Variants in LRRFIP2 observed in about 807,000 individuals in gnomAD.
The protein encoded by LRRFIP2 is LRR binding FLII interacting protein 2.
In LRRFIP2, 109 loss-of-function variants were observed where a neutral mutation model predicts 125.9. The ratio of observed to expected loss-of-function variants is 0.87; its 90% confidence interval spans 0.74 to 1.01. The LOEUF is 1.01. LRRFIP2 is among the 50% of genes least tolerant of loss of function. LRRFIP2 has a pLI of 0.00. For synonymous variants in LRRFIP2, 291 were observed against 293.1 expected, an observed-to-expected ratio of 0.99 and a Z score of 0.07; for missense variants, 850 against 862.3, an observed-to-expected ratio of 0.99 and a Z score of 0.18.
intron 18 of LRRFIP2, among the ~76,000 whole-genome samples, 198 bp downstream of exon 18, chr3:37,091,269 C>CA (rs2093421359): frequency 6.6e-6 from 1 of 151,712 alleles, no homozygotes; most frequent in African/African-American, 2.4e-5. Flanking sequence ...GCGGAATATT[C>CA]AAAAACTGTA....
intron 2 of LRRFIP2, 43 bp downstream of exon 2, chr3:37,148,851 C>T (rs750006080): frequency 1.2e-6 from 2 of 1,610,540 alleles, no homozygotes; most frequent in Admixed American, 3.4e-5. Flanking sequence ...TTTTACAATA[C>T]ATCTGTGCAA....
chr3:37,066,198 TG>T (rs1236431696), intron 22 of LRRFIP2, 25 bp downstream of exon 22: 1 of 1,589,116 alleles, frequency 6.3e-7, no homozygotes, highest in Non-Finnish European at 8.6e-7. Context: ...GTGAGGGACC[TG>T]AATTCCAGGC....
chr3:37,072,702 A>G, intron 21 of LRRFIP2, 88 bp downstream of exon 21: 1 of 764,828 alleles, frequency 1.3e-6, no homozygotes, highest in Non-Finnish European at 2.2e-6. Flanking sequence ...AGAAGAATCA[A>G]AAGGACAGGT....
chr3:37,070,924 C>G (rs905085102), intron 21 of LRRFIP2, among the ~76,000 whole-genome samples: 22 of 152,202 alleles, frequency 1.4e-4, no homozygotes, highest in Admixed American at 1.4e-3. Flanking sequence ...AAAAGAAGCC[C>G]ATTCTAGACA....
intron 24 of LRRFIP2, among the ~76,000 whole-genome samples, chr3:37,062,022 C>T (rs895482069): frequency 1.4e-4 from 22 of 152,080 alleles, no homozygotes; most frequent in Admixed American, 2.6e-4. Flanking sequence ...GAATATCTCC[C>T]GAATCCTCTT....
chr3:37,174,664 A>G (rs2096632508), upstream of LRRFIP2: 1 of 152,220 alleles, frequency 6.6e-6, no homozygotes, highest in African/African-American at 2.4e-5. Flanking sequence ...ATAAACCAAC[A>G]AACTATTCTA....
chr3:37,120,177 G>A (rs1205515102), intron 6 of LRRFIP2, among the ~76,000 whole-genome samples: 2 of 149,090 alleles, frequency 1.3e-5, no homozygotes, highest in Non-Finnish European at 3.0e-5. Context: ...GCGAATCTTG[G>A]CTCACGGCAA....
intron 15 of LRRFIP2, among the ~76,000 whole-genome samples, chr3:37,101,824 A>T (rs1031913950): frequency 2.0e-5 from 3 of 152,172 alleles, no homozygotes; most frequent in Admixed American, 6.5e-5. Flanking sequence ...CAGAGAGATA[A>T]TCAGGCTGTT....
intron 13 of LRRFIP2, among the ~76,000 whole-genome samples, chr3:37,107,704 C>A (rs1371735314): frequency 6.6e-6 from 1 of 152,016 alleles, no homozygotes; most frequent in Non-Finnish European, 1.5e-5. Flanking sequence ...CGCTGGCAAG[C>A]AGGTGAAATG....
At chr3:37,092,533 G>A (rs1406803969) in intron 17 of LRRFIP2, among the ~76,000 whole-genome samples, 1 of 152,172 alleles carries the variant, frequency 6.6e-6, no homozygotes. Flanking sequence ...GAAAAAACAA[G>A]CAACAAGTAG....
At chr3:37,117,121 T>C (rs1474409741) in intron 6 of LRRFIP2, among the ~76,000 whole-genome samples, 1 of 149,868 alleles carries the variant, frequency 6.7e-6, no homozygotes, top group Non-Finnish European at 1.5e-5. Flanking sequence ...CTAACCCTTT[T>C]GTTTAAAAAA....
chr3:37,069,232 C>T (rs112564741), intron 21 of LRRFIP2, among the ~76,000 whole-genome samples: 1 of 152,186 alleles, frequency 6.6e-6, no homozygotes, highest in Non-Finnish European at 1.5e-5. Flanking sequence ...AGCAATTCCA[C>T]TTCTGGGTAC....
At chr3:37,092,267 C>T (rs1034242048) in intron 17 of LRRFIP2, among the ~76,000 whole-genome samples, 10 of 152,242 alleles carry the variant, frequency 6.6e-5, no homozygotes, top group Admixed American at 3.3e-4. Context: ...ATTCTGAATG[C>T]TCGATTTATG....
chr3:37,077,313 T>C (rs1319130194), intron 19 of LRRFIP2, among the ~76,000 whole-genome samples: 1 of 152,202 alleles, frequency 6.6e-6, no homozygotes, highest in Non-Finnish European at 1.5e-5. Context: ...GAATAAAGTG[T>C]GGTACATCCA....
intron 2 of LRRFIP2, among the ~76,000 whole-genome samples, chr3:37,138,425 A>G (rs1303191844): frequency 1.3e-5 from 2 of 152,214 alleles, no homozygotes; most frequent in African/African-American, 2.4e-5. Flanking sequence ...AATAAAATCC[A>G]TAAATTGAAT....
At chr3:37,161,591 A>C (rs2096346835) in intron 1 of LRRFIP2, among the ~76,000 whole-genome samples, 1 of 152,158 alleles carries the variant, frequency 6.6e-6, no homozygotes. Flanking sequence ...TATGGTATGA[A>C]GTTTCCTTGT....
At chr3:37,163,042 A>T (rs2096388155) in intron 1 of LRRFIP2, among the ~76,000 whole-genome samples, 1 of 152,226 alleles carries the variant, frequency 6.6e-6, no homozygotes, top group Non-Finnish European at 1.5e-5. Flanking sequence ...CTAGATATTT[A>T]CCGTAGTATC....
intron 14 of LRRFIP2, 84 bp downstream of exon 14, chr3:37,105,371 T>C (rs1216430059): frequency 6.9e-5 from 80 of 1,158,000 alleles, no homozygotes; most frequent in Non-Finnish European, 9.8e-5. Context: ...AAATGCAAAC[T>C]TCACTTTCCA....
Position 37,128,631 on chromosome 3 carries a change from G to T in LRRFIP2, c.177+432C>A, listed in dbSNP as rs75370608. On this transcript the variant is annotated intron_variant, in intron 3 of 27. Transcript: ENST00000336686. ...GGGGTCCTACAAATTTTATTGTTTT[G>T]GTTTGCTTTTATCTCATATTCTTAC... 1.3e-3 allele frequency among the ~76,000 whole-genome samples: 202 copies of T among 151,756 alleles called. 2 individuals carry two copies. The highest frequency in any genetic ancestry group is 4.7e-3 in the African/African-American group (195 of 41,386).
Sources: allele counts gnomAD v4.1 joint callset (sites outside exome capture counted in the v4.1 genomes callset), GRCh38; gene constraint gnomAD v4.1.1; transcripts MANE v1.5; gene names NCBI Gene and HGNC (gene_info 2026-07-23, HGNC 2026-07-21).